Variants in BARX2 observed in about 807,000 individuals in gnomAD.
BARX2 encodes the protein BARX homeobox 2, also known as homeobox protein BarH-like 2.
A neutral mutation model predicts 25.5 loss-of-function variants in BARX2; 11 were observed. That is an observed-to-expected ratio of 0.43 (90% confidence interval 0.27 to 0.71). The LOEUF is 0.71. Ranked by LOEUF, BARX2 falls within the 30% of genes least tolerant of loss-of-function variation. The pLI is 0.19. For missense variants in BARX2, 360 were observed against 359.9 expected (o/e 1.00, Z 0.00); for synonymous variants, 137 against 149.5 (o/e 0.92, Z 0.61).
chr11:129,408,816 C>G (rs937287811), intron 1 of BARX2, among the ~76,000 whole-genome samples: 2 of 152,170 alleles, frequency 1.3e-5, no homozygotes, highest in Admixed American at 1.3e-4. Context: ...TTATTTTTCT[C>G]TCTCTAGACT....
intron 3 of BARX2, among the ~76,000 whole-genome samples, chr11:129,449,313 G>A (rs1862368607): frequency 6.6e-6 from 1 of 152,202 alleles, no homozygotes; most frequent in African/African-American, 2.4e-5. Context: ...AATATTTAGG[G>A]ACTGCATAGA....
At chr11:129,405,889 C>T (rs902145993) in intron 1 of BARX2, among the ~76,000 whole-genome samples, 3 of 152,218 alleles carry the variant, frequency 2.0e-5, no homozygotes, top group Admixed American at 2.0e-4. Context: ...ATCTCCTTCC[C>T]TGACCACTCC....
intron 1 of BARX2, among the ~76,000 whole-genome samples, chr11:129,388,804 C>T (rs1565509586): frequency 6.6e-6 from 1 of 152,184 alleles, no homozygotes; most frequent in Non-Finnish European, 1.5e-5. Flanking sequence ...ATGTAATTTG[C>T]ACCCCACGAC....
intron 1 of BARX2, among the ~76,000 whole-genome samples, chr11:129,406,179 T>A (rs1861827700): frequency 6.6e-6 from 1 of 152,248 alleles, no homozygotes; most frequent in Non-Finnish European, 1.5e-5. Context: ...TGAAATTCCT[T>A]GTGCCCATTG....
At chr11:129,433,060 CTCTA>C (rs1405904592) in intron 1 of BARX2, among the ~76,000 whole-genome samples, 1 of 152,178 alleles carries the variant, frequency 6.6e-6, no homozygotes, top group Non-Finnish European at 1.5e-5. Context: ...CTAACCCAAC[CTCTA>C]TCTGACTGAC....
chr11:129,391,077 A>G (rs1346148374), intron 1 of BARX2, among the ~76,000 whole-genome samples: 2 of 152,124 alleles, frequency 1.3e-5, no homozygotes, highest in Non-Finnish European at 2.9e-5. Context: ...GTGATTGATG[A>G]AGGAGGATTA....
chr11:129,400,343 T>G lies in BARX2; in HGVS notation c.187+24121T>G, dbSNP rs763524418. The stretch of plus-strand genomic sequence containing the variant: ...CGGCACCATGGGACCATGAAGGAAG[T>G]GGGACTTAGCCCAGTCTGTAGGGGA... On this transcript the variant is annotated intron_variant, in intron 1 of 3. Coordinates refer to ENST00000281437, the MANE Select transcript of BARX2 (RefSeq NM_003658.5). Among the ~76,000 whole-genome samples the G allele has an allele frequency of 7.1e-4, 108 of 152,004 alleles. 4 individuals carry two copies. The highest frequency in any genetic ancestry group is 2.1e-4 in the Non-Finnish European group (14 of 67,988).
chr11:129,418,980 A>G (rs768314041), intron 1 of BARX2, among the ~76,000 whole-genome samples: 22 of 152,188 alleles, frequency 1.4e-4, no homozygotes, highest in Non-Finnish European at 2.8e-4. Flanking sequence ...CGTTCTCTCC[A>G]TGTCTGCGTG....
At position 129,433,649 on chromosome 11, in the gene BARX2, G is replaced by T. The variant is rs568110945; in HGVS notation, c.188-3102G>T. Among the ~76,000 whole-genome samples the T allele has an allele frequency of 6.6e-5, 10 of 152,150 alleles. No homozygotes were observed. The South Asian group carries it at 1.2e-3, about 19-fold the overall frequency. On this transcript the variant is annotated intron_variant, in intron 1 of 3. Transcript: ENST00000281437. ...CTTTGCCTGTGCTGGTTCTGGGGCTGGGGTGCTTGTCCCGTACCTTCTCCA... is the reference window on the plus strand; with the variant it reads ...CTTTGCCTGTGCTGGTTCTGGGGCTTGGGTGCTTGTCCCGTACCTTCTCCA...
chr11:129,378,563 CTTTTT>C (rs56804728), intron 1 of BARX2, among the ~76,000 whole-genome samples: 14 of 111,202 alleles, frequency 1.3e-4, no homozygotes, highest in East Asian at 2.5e-4. Context: ...TTTTCTTTTT[CTTTTT>C]TTTTTTTTTT....
intron 1 of BARX2, among the ~76,000 whole-genome samples, chr11:129,381,877 C>T (rs1407352789): frequency 6.6e-6 from 1 of 152,206 alleles, no homozygotes; most frequent in African/African-American, 2.4e-5. Context: ...CCTCATAGCA[C>T]AGCATTCCTC....
At chr11:129,408,150 A>G (rs2135396780) in intron 1 of BARX2, among the ~76,000 whole-genome samples, 1 of 151,578 alleles carries the variant, frequency 6.6e-6, no homozygotes. Context: ...CATTTGGGGG[A>G]CTGACAGAAG....
chr11:129,418,618 T>C (rs755467121), intron 1 of BARX2, among the ~76,000 whole-genome samples: 13 of 152,218 alleles, frequency 8.5e-5, no homozygotes, highest in Non-Finnish European at 1.6e-4. Context: ...CATTGAAACA[T>C]ATTGTTTCCT....
chr11:129,450,311 A>C (rs1297814630), intron 3 of BARX2, among the ~76,000 whole-genome samples: 1 of 152,268 alleles, frequency 6.6e-6, no homozygotes, highest in Non-Finnish European at 1.5e-5. Flanking sequence ...TTTAGAAAAT[A>C]TAGAAAAAAC....
At chr11:129,448,671 C>A (rs114026467) in intron 3 of BARX2, among the ~76,000 whole-genome samples, 274 of 152,264 alleles carry the variant, frequency 1.8e-3, no homozygotes, top group African/African-American at 6.3e-3. Flanking sequence ...ATGCAGCTGG[C>A]TGGAACGTAA....
intron 1 of BARX2, among the ~76,000 whole-genome samples, chr11:129,422,773 G>T (rs577840637): frequency 6.8e-6 from 1 of 146,436 alleles, no homozygotes; most frequent in African/African-American, 2.5e-5. Context: ...GCACCATCTC[G>T]GCTCACGGAA....
intron 1 of BARX2, among the ~76,000 whole-genome samples, chr11:129,395,308 A>G (rs1861708025): frequency 6.6e-6 from 1 of 152,074 alleles, no homozygotes; most frequent in Admixed American, 6.5e-5. Context: ...TTGTCATACA[A>G]CTCTGCTGTC....
At chr11:129,446,092 G>A (rs146473154) in intron 3 of BARX2, among the ~76,000 whole-genome samples, 4 of 152,134 alleles carry the variant, frequency 2.6e-5, no homozygotes, top group Non-Finnish European at 4.4e-5. Context: ...AGCGGGTTGG[G>A]TAAATTTAAT....
intron 1 of BARX2, among the ~76,000 whole-genome samples, chr11:129,423,542 C>A (rs1358633155): frequency 1.3e-5 from 2 of 152,198 alleles, no homozygotes; most frequent in African/African-American, 4.8e-5. Context: ...AGTGCCCTGA[C>A]ATTGTGCACA....
Sources: allele counts gnomAD v4.1 joint callset (sites outside exome capture counted in the v4.1 genomes callset), GRCh38; gene constraint gnomAD v4.1.1; transcripts MANE v1.5; gene names NCBI Gene and HGNC (gene_info 2026-07-23, HGNC 2026-07-21).